Variants in GRID2 observed in about 807,000 individuals in gnomAD.
GRID2 encodes the protein glutamate receptor ionotropic, delta-2.
A neutral mutation model predicts 114.8 loss-of-function variants in GRID2; 33 were observed. That is an observed-to-expected ratio of 0.29 (90% CI 0.22 to 0.38). The LOEUF is 0.38. GRID2 is among the 10% of genes least tolerant of loss of function. The probability of loss-of-function intolerance (pLI) is 1.00; values close to 1 mark genes in which losing one functional copy is unlikely to be tolerated. For synonymous variants in GRID2, 505 were observed against 449.9 expected, an observed-to-expected ratio of 1.12 and a Z score of -1.55; for missense variants, 1,184 against 1,257.7, an observed-to-expected ratio of 0.94 and a Z score of 0.89.
rs1734223114 is a variant in GRID2, at chr4:93,772,993, T to C, written c.*495T>C. On this transcript the variant is annotated 3_prime_UTR_variant, in exon 16 of 16. Coordinates refer to ENST00000282020, the MANE Select transcript of GRID2 (RefSeq NM_001510.4). ...GACCAAAGGCAACCCCTGCAGTGTTTATAAAACAATTTTAAGACCATTCAG... is the reference window on the plus strand; with the variant it reads ...GACCAAAGGCAACCCCTGCAGTGTTCATAAAACAATTTTAAGACCATTCAG... The C allele has an allele frequency of 6.6e-6, 1 of 152,638 alleles. No individual in the cohort carries two copies. The highest frequency in any genetic ancestry group is 1.5e-5 in the Non-Finnish European group (1 of 68,360). 9.5% of individuals were successfully genotyped at this position (152,638 alleles called of 1,614,324 possible).
chr4:92,830,541 ATTAT>A (rs1178920650), intron 2 of GRID2, among the ~76,000 whole-genome samples: 2 of 152,058 alleles, frequency 1.3e-5, no homozygotes, highest in Admixed American at 6.6e-5. Flanking sequence ...TACTATTATT[ATTAT>A]TTTAGTACTA....
At chr4:92,664,067 CTGTT>C (rs1244466808) in intron 2 of GRID2, among the ~76,000 whole-genome samples, 1 of 151,006 alleles carries the variant, frequency 6.6e-6, no homozygotes, top group African/African-American at 2.4e-5. Flanking sequence ...TGGGTTTTGT[CTGTT>C]TGTCTTGTTA....
chr4:93,527,543 A>T (rs1003532882), intron 13 of GRID2, among the ~76,000 whole-genome samples: 9 of 151,844 alleles, frequency 5.9e-5, no homozygotes, highest in Non-Finnish European at 1.0e-4. Context: ...AATACATTTT[A>T]AAAAACTCCA....
chr4:92,516,403 ATAG>A (rs1348024236), intron 1 of GRID2, among the ~76,000 whole-genome samples: 3 of 151,858 alleles, frequency 2.0e-5, no homozygotes, highest in Non-Finnish European at 4.4e-5. Context: ...ACCACATTTA[ATAG>A]TAGGCAATCA....
chr4:92,408,356 C>G (rs1295001594), intron 1 of GRID2, among the ~76,000 whole-genome samples: 1 of 142,274 alleles, frequency 7.0e-6, no homozygotes, highest in Non-Finnish European at 1.5e-5. Context: ...CCTTACATTA[C>G]AGTTTGAATT....
chr4:92,450,019 T>A (rs1342190050), intron 1 of GRID2, among the ~76,000 whole-genome samples: 2 of 151,996 alleles, frequency 1.3e-5, no homozygotes, highest in Non-Finnish European at 2.9e-5. Flanking sequence ...TATTCTATCA[T>A]GGGTATCAAA....
intron 1 of GRID2, among the ~76,000 whole-genome samples, chr4:92,509,520 C>G (rs1724135676): frequency 6.6e-6 from 1 of 151,874 alleles, no homozygotes. Flanking sequence ...AATGCTTGTT[C>G]TCATGGAACC....
intron 3 of GRID2, among the ~76,000 whole-genome samples, chr4:93,086,529 A>G (rs1730339586): frequency 6.6e-6 from 1 of 152,118 alleles, no homozygotes; most frequent in Non-Finnish European, 1.5e-5. Flanking sequence ...CAATGGTTGC[A>G]TGGGGTTTTG....
intron 2 of GRID2, among the ~76,000 whole-genome samples, chr4:92,872,287 TA>T (rs1177396835): frequency 6.6e-6 from 1 of 152,132 alleles, no homozygotes; most frequent in African/African-American, 2.4e-5. Context: ...TGTTCAAATG[TA>T]ATAACCAAGA....
At chr4:93,458,952 G>A (rs1169614649) in intron 11 of GRID2, among the ~76,000 whole-genome samples, 2 of 152,148 alleles carry the variant, frequency 1.3e-5, no homozygotes, top group East Asian at 3.9e-4. Context: ...GGCCGAGGCA[G>A]GCGGATCACC....
chr4:92,435,013 ATG>A (rs1278710569), intron 1 of GRID2, among the ~76,000 whole-genome samples: 1 of 152,180 alleles, frequency 6.6e-6, no homozygotes, highest in Non-Finnish European at 1.5e-5. Flanking sequence ...GAGTAGGAAA[ATG>A]CATATTTATA....
At chr4:92,783,383 T>C (rs1739174229) in intron 2 of GRID2, among the ~76,000 whole-genome samples, 1 of 152,118 alleles carries the variant, frequency 6.6e-6, no homozygotes, top group African/African-American at 2.4e-5. Flanking sequence ...CAGAGAATGT[T>C]GTATTGTTTC....
chr4:93,243,250 G>T (rs1747755833), intron 8 of GRID2, among the ~76,000 whole-genome samples: 1 of 151,984 alleles, frequency 6.6e-6, no homozygotes, highest in Non-Finnish European at 1.5e-5. Flanking sequence ...AATTTTAAAA[G>T]TATTATGGAT....
chr4:92,702,023 C>T (rs1271395207), intron 2 of GRID2, among the ~76,000 whole-genome samples: 1 of 152,068 alleles, frequency 6.6e-6, no homozygotes, highest in Non-Finnish European at 1.5e-5. Flanking sequence ...TTTACAACCT[C>T]GATGTTGGAT....
At chr4:92,316,549 A>T (rs960318958) in intron 1 of GRID2, among the ~76,000 whole-genome samples, 1 of 152,062 alleles carries the variant, frequency 6.6e-6, no homozygotes, top group African/African-American at 2.4e-5. Context: ...TTTTTTTTAC[A>T]CCTATTGTGT....
At chr4:93,172,311 G>A (rs1393412739) in intron 4 of GRID2, among the ~76,000 whole-genome samples, 1 of 152,078 alleles carries the variant, frequency 6.6e-6, no homozygotes, top group Non-Finnish European at 1.5e-5. Flanking sequence ...AATGAGAATT[G>A]GCCAGGCGCG....
chr4:93,504,702 A>G (rs968858061), intron 12 of GRID2, among the ~76,000 whole-genome samples: 7 of 152,068 alleles, frequency 4.6e-5, no homozygotes, highest in Non-Finnish European at 1.0e-4. Flanking sequence ...TAAAATGACC[A>G]GAGTAACCTA....
At chr4:93,134,632 T>G (rs1014890998) in intron 4 of GRID2, among the ~76,000 whole-genome samples, 1 of 151,282 alleles carries the variant, frequency 6.6e-6, no homozygotes, top group African/African-American at 2.4e-5. Flanking sequence ...ATGAACATCA[T>G]TTTTTTTTAC....
intron 2 of GRID2, among the ~76,000 whole-genome samples, chr4:93,072,240 C>A (rs1007963543): frequency 3.3e-5 from 5 of 152,022 alleles, no homozygotes; most frequent in African/African-American, 1.2e-4. Context: ...ACCCAACATC[C>A]AAAGAGGGAC....
Sources: gnomAD v4.1 joint callset for allele counts (sites outside exome capture counted in the v4.1 genomes callset) on GRCh38, gnomAD v4.1.1 for gene constraint, MANE v1.5 for transcripts, NCBI Gene and HGNC (gene_info 2026-07-23, HGNC 2026-07-21) for gene names.